PRKCB: variants seen among roughly 807,000 people sequenced by gnomAD.
PRKCB encodes protein kinase C beta.
In PRKCB, 13 loss-of-function variants were observed where a neutral mutation model predicts 81.5. The ratio of observed to expected loss-of-function variants is 0.16; its 90% CI spans 0.10 to 0.25. PRKCB has a LOEUF of 0.25. Ranked by LOEUF, PRKCB falls within the 10% of genes least tolerant of loss-of-function variation. The pLI is 1.00. For missense variants in PRKCB, 509 were observed against 875.7 expected, an observed-to-expected ratio of 0.58 and a Z score of 5.29; for synonymous variants, 335 against 321.4, an observed-to-expected ratio of 1.04 and a Z score of -0.45.
intron 3 of PRKCB, among the ~76,000 whole-genome samples, chr16:24,006,835 A>T (rs764708): frequency 1.4e-5 from 2 of 138,774 alleles, no homozygotes; most frequent in Non-Finnish European, 1.5e-5. Flanking sequence ...TACGGGGAGC[A>T]GGGGGTGGGG....
At chr16:24,158,644 G>A (rs897160947) in intron 10 of PRKCB, among the ~76,000 whole-genome samples, 2 of 151,328 alleles carry the variant, frequency 1.3e-5, no homozygotes, top group Non-Finnish European at 2.9e-5. Flanking sequence ...GTATGTGTAT[G>A]TGTGTGTATA....
chr16:24,173,434 G>C (rs190051308), intron 11 of PRKCB, among the ~76,000 whole-genome samples: 2 of 152,190 alleles, frequency 1.3e-5, no homozygotes, highest in Admixed American at 1.3e-4. Context: ...AGGCTTGGTG[G>C]CTCCTACCCA....
intron 2 of PRKCB, among the ~76,000 whole-genome samples, chr16:23,953,484 G>T (rs1459775552): frequency 2.0e-5 from 3 of 152,134 alleles, no homozygotes; most frequent in Non-Finnish European, 4.4e-5. Flanking sequence ...ACACCCAGGG[G>T]CTCCTTGAAT....
intron 9 of PRKCB, among the ~76,000 whole-genome samples, chr16:24,130,874 C>T (rs969459851): frequency 6.6e-5 from 10 of 152,138 alleles, no homozygotes; most frequent in Admixed American, 6.6e-4. Context: ...GCCGGGAGAA[C>T]AATTTGGGTG....
intron 9 of PRKCB, among the ~76,000 whole-genome samples, chr16:24,125,450 T>C (rs1045661039): frequency 1.3e-5 from 2 of 152,210 alleles, no homozygotes; most frequent in South Asian, 2.1e-4. Flanking sequence ...GTGATTCAGC[T>C]CCTTTTGCTG....
At position 24,170,100 on chromosome 16, in the gene PRKCB, TA is replaced by T. The variant is rs564903331; in HGVS notation, c.1240-2168del. Among the ~76,000 whole-genome samples, 144 of 152,248 alleles carry T rather than the reference TA, an allele frequency of 9.5e-4. 1 individual carries two copies. Among genetic ancestry groups the T allele is most frequent in the African/African-American group, 3.3e-3 (138 of 41,544 alleles). The stretch of plus-strand genomic sequence containing the variant: ...CCCGGCTATCTTTTAATATTCTATA[TA>T]ATTTGTTTATTATGTTTAGCATTTA... On this transcript the variant is annotated intron_variant, in intron 10 of 16. Coordinates refer to ENST00000643927, the MANE Select transcript of PRKCB (RefSeq NM_002738.7).
chr16:23,947,317 C>T (rs1353551356), intron 2 of PRKCB, among the ~76,000 whole-genome samples: 1 of 152,230 alleles, frequency 6.6e-6, no homozygotes, highest in Non-Finnish European at 1.5e-5. Context: ...AGCAGCTGCT[C>T]AGCCCTGCTA....
At chr16:24,181,811 CACTATGAT>C (rs1032507359) in intron 13 of PRKCB, among the ~76,000 whole-genome samples, 1 of 82,326 alleles carries the variant, frequency 1.2e-5, no homozygotes, top group African/African-American at 4.7e-5. Context: ...TGACAAATAA[CACTATGAT>C]ACTATTTATG....
At chr16:24,128,575 G>A (rs1596560850) in intron 9 of PRKCB, among the ~76,000 whole-genome samples, 1 of 152,218 alleles carries the variant, frequency 6.6e-6, no homozygotes, top group South Asian at 2.1e-4. Context: ...ACAGGCAGAA[G>A]TGTTTACCTG....
At chr16:24,025,232 C>T (rs1023823757) in intron 3 of PRKCB, among the ~76,000 whole-genome samples, 2 of 152,178 alleles carry the variant, frequency 1.3e-5, no homozygotes, top group Non-Finnish European at 1.5e-5. Flanking sequence ...TGGCCAACAG[C>T]GATGATTGCA....
Position 23,849,082 on chromosome 16 carries a change from C to A in PRKCB, c.205+11676C>A, listed in dbSNP as rs112548388. On this transcript the variant is annotated intron_variant, in intron 2 of 16. Transcript: ENST00000643927. ...GAGAGGTGATTTGAGTGTGAGTGAG[C>A]ACAGTGCTTTCTGAGAAACCCTTTC... is the stretch of plus-strand genomic sequence containing the variant. Among the ~76,000 whole-genome samples the A allele has an allele frequency of 4.3e-3, 657 of 152,320 alleles. 4 individuals carry two copies. The highest frequency in any genetic ancestry group is 0.015 in the African/African-American group (618 of 41,572).
chr16:24,170,069 G>T (rs961821549), intron 10 of PRKCB, among the ~76,000 whole-genome samples: 1 of 152,086 alleles, frequency 6.6e-6, no homozygotes, highest in African/African-American at 2.4e-5. Flanking sequence ...GGCACGAGCC[G>T]CTGTGCCCGG....
At chr16:24,025,180 C>A (rs903850728) in intron 3 of PRKCB, among the ~76,000 whole-genome samples, 1 of 152,226 alleles carries the variant, frequency 6.6e-6, no homozygotes, top group Non-Finnish European at 1.5e-5. Flanking sequence ...CCTTCTAAGT[C>A]ATTTTCCTAA....
chr16:23,917,971 G>C (rs955654936), intron 2 of PRKCB, among the ~76,000 whole-genome samples: 11 of 152,212 alleles, frequency 7.2e-5, no homozygotes, highest in Non-Finnish European at 1.2e-4. Flanking sequence ...TACGTGACTA[G>C]CCCTGAATAT....
At chr16:23,956,371 G>A (rs1964349491) in intron 2 of PRKCB, among the ~76,000 whole-genome samples, 1 of 151,972 alleles carries the variant, frequency 6.6e-6, no homozygotes, top group Non-Finnish European at 1.5e-5. Context: ...ACCTTATTTA[G>A]ATCCACCTTA....
In PRKCB at chr16:24,215,671, G is replaced by A; in HGVS notation, c.*855G>A. 1.0e-6 allele frequency: 1 copy of A among 984,870 alleles called. No individual in the cohort carries two copies. The highest frequency in any genetic ancestry group is 1.2e-6 in the Non-Finnish European group (1 of 829,158). 61.0% of individuals were successfully genotyped at this position (984,870 alleles called of 1,614,324 possible). On this transcript the variant is annotated 3_prime_UTR_variant, in exon 17 of 17. Transcript: ENST00000643927. ...AAGAAAAAAAAAGAAAAAAAAAGGT[G>A]ACTCACATTGTTACACATGCTTTAA...
At chr16:23,997,333 C>T (rs971795582) in intron 3 of PRKCB, among the ~76,000 whole-genome samples, 13 of 152,268 alleles carry the variant, frequency 8.5e-5, no homozygotes, top group African/African-American at 3.1e-4. Flanking sequence ...TGATTAAGAT[C>T]AATGAAAAAC....
At chr16:24,027,298 C>G (rs535470351) in intron 3 of PRKCB, among the ~76,000 whole-genome samples, 21 of 152,136 alleles carry the variant, frequency 1.4e-4, no homozygotes, top group Non-Finnish European at 2.6e-4. Flanking sequence ...ACTGAACTCC[C>G]AACTTTAAGG....
intron 9 of PRKCB, among the ~76,000 whole-genome samples, chr16:24,130,181 G>T (rs1264339170): frequency 6.6e-6 from 1 of 152,276 alleles, no homozygotes; most frequent in South Asian, 2.1e-4. Flanking sequence ...ACACTGAAAT[G>T]CAGCTATCTT....
Sources: gnomAD v4.1 joint callset for allele counts (sites outside exome capture counted in the v4.1 genomes callset) on GRCh38, gnomAD v4.1.1 for gene constraint, MANE v1.5 for transcripts, NCBI Gene and HGNC (gene_info 2026-07-23, HGNC 2026-07-21) for gene names.